Variants in FREM2 observed in about 807,000 individuals in gnomAD.
FREM2 encodes the protein FRAS1 related extracellular matrix 2, also known as FRAS1-related extracellular matrix protein 2.
In FREM2, 119 loss-of-function variants were observed where a neutral mutation model predicts 219.9. The observed-to-expected ratio is 0.54, with a 90% confidence interval of 0.47 to 0.63. The LOEUF (loss-of-function observed/expected upper bound fraction) is 0.63, where lower values mean the gene tolerates loss of function less well. Ranked by LOEUF, FREM2 falls within the 30% of genes least tolerant of loss-of-function variation. The probability of loss-of-function intolerance (pLI) is 0.00; values close to 1 mark genes in which losing one functional copy is unlikely to be tolerated. For missense variants in FREM2, 4,030 were observed against 3,993.6 expected (o/e 1.01, Z -0.25); for synonymous variants, 1,562 against 1,522.8 (o/e 1.03, Z -0.60).
Position 38,874,587 on chromosome 13 carries a change from G to A in FREM2, c.8281+1G>A. 2 of 1,611,992 alleles carry A rather than the reference G, an allele frequency of 1.2e-6. No homozygotes were observed. The highest frequency in any genetic ancestry group is 1.7e-6 in the Non-Finnish European group (2 of 1,178,076). ...GGCTTATTTGTGCTGTCACATCCCG[G>A]TAAGCCCCGTTATCTTTTAACAACC... On this transcript the variant is annotated splice_donor_variant, in intron 18 of 23. Coordinates refer to ENST00000280481, the MANE Select transcript of FREM2 (RefSeq NM_207361.6). LOFTEE classifies it high-confidence loss of function.
intron 11 of FREM2, among the ~76,000 whole-genome samples, chr13:38,854,373 G>A (rs115784268): frequency 0.031 from 4,790 of 152,100 alleles, 113 homozygotes; most frequent in Middle Eastern, 0.071. Flanking sequence ...CAATGAAAAC[G>A]AGTAAACCAA....
chr13:38,840,644 A>ATATATATATGTG (rs1184958401), intron 6 of FREM2, among the ~76,000 whole-genome samples: 9 of 134,268 alleles, frequency 6.7e-5, no homozygotes, highest in South Asian at 4.7e-4. Context: ...ATATATATAT[A>ATATATATATGTG]TGTGTATGTA....
chr13:38,871,146 A>G (rs1220375351), intron 16 of FREM2, among the ~76,000 whole-genome samples: 1 of 152,160 alleles, frequency 6.6e-6, no homozygotes, highest in Non-Finnish European at 1.5e-5. Flanking sequence ...GTAAGAGGGA[A>G]TGCTAACTAC....
chr13:38,760,275 G>T (rs1309662372), intron 2 of FREM2, among the ~76,000 whole-genome samples: 1 of 152,048 alleles, frequency 6.6e-6, no homozygotes, highest in Non-Finnish European at 1.5e-5. Flanking sequence ...ATTTTATTTT[G>T]AAGTAAAATC....
rs772196216 is a variant in FREM2 at position 38,687,512 on chromosome 13, G to A, written c.168G>A (p.Leu56=). 4 of 1,596,970 alleles carry A rather than the reference G, an allele frequency of 2.5e-6. No homozygotes were observed. The highest frequency in any genetic ancestry group is 3.5e-5 in the Admixed American group (2 of 57,280). Residue 56 remains leucine (L), a synonymous_variant, in exon 1 of 24, where the codon CTG becomes CTA. Transcript: ENST00000280481. ...CCGCTGCCTTCGGCAGGGCGTTGCT[G>A]TCCCCTGGTCTCGCGGGGGCTGCAG... ...AQPAAFGRAL[L]SPGLAGAAGV...
chr13:38,789,413 A>C (rs9548455), intron 6 of FREM2, among the ~76,000 whole-genome samples: 79,647 of 151,350 alleles, frequency 0.53, 22,596 homozygotes, highest in Non-Finnish European at 0.65. Flanking sequence ...CTATTTATGT[A>C]TCCATTTTAT....
At position 38,882,139 on chromosome 13, in the gene FREM2, C is replaced by CA. The variant is rs1878571048; in HGVS notation, c.*1353dup. ...GAGTGAGCTTCCTTGGCAAGCCTCC[C>CA]ATTGCCTTTCTGCATCAATGTGTTT... On this transcript the variant is annotated 3_prime_UTR_variant, in exon 24 of 24. Transcript: ENST00000280481. 1 of 152,166 alleles carries CA rather than the reference C, an allele frequency of 6.6e-6. No homozygotes were observed. The highest frequency in any genetic ancestry group is 2.4e-5 in the African/African-American group (1 of 41,432). The allele number at this position is 152,166 out of a possible 1,614,324, so 9.4% of individuals were successfully genotyped here. A position where few individuals can be genotyped will look rare whatever the true frequency, so the allele number is the denominator to read the frequency against.
intron 4 of FREM2, among the ~76,000 whole-genome samples, chr13:38,772,244 A>G (rs915876275): frequency 4.6e-5 from 7 of 152,212 alleles, no homozygotes; most frequent in African/African-American, 1.2e-4. Context: ...AGCACTATAT[A>G]TTGGGAATGC....
chr13:38,792,082 C>T (rs1438961538), intron 6 of FREM2, among the ~76,000 whole-genome samples: 2 of 152,328 alleles, frequency 1.3e-5, no homozygotes, highest in African/African-American at 2.4e-5. Context: ...TGCAGTGGCT[C>T]ATGCCTGTAA....
chr13:38,781,855 G>A (rs1362514245), intron 4 of FREM2, among the ~76,000 whole-genome samples: 1 of 152,200 alleles, frequency 6.6e-6, no homozygotes, highest in Non-Finnish European at 1.5e-5. Context: ...GGAGAGGCTA[G>A]CTGAGCCCAG....
intron 6 of FREM2, among the ~76,000 whole-genome samples, chr13:38,837,464 T>G (rs1274566297): frequency 1.3e-5 from 2 of 152,184 alleles, no homozygotes; most frequent in Non-Finnish European, 2.9e-5. Flanking sequence ...GCCTGCTTGG[T>G]CCATAGCTGA....
intron 2 of FREM2, among the ~76,000 whole-genome samples, chr13:38,728,984 C>T (rs888142461): frequency 1.3e-5 from 2 of 152,264 alleles, no homozygotes; most frequent in African/African-American, 2.4e-5. Flanking sequence ...TACAGGCATG[C>T]GCCACCACAC....
In FREM2 at chr13:38,783,143, G is replaced by A. The variant is rs1246883379; in HGVS notation, c.5715G>A (p.Arg1905=). The change falls in exon 5 of 24, where the codon AGG becomes AGA. Residue 1905 remains arginine, a synonymous_variant. Coordinates refer to ENST00000280481, the MANE Select transcript of FREM2 (RefSeq NM_207361.6). ...EDVGELFIPI[R]RSGDVSQELM... is the part of the protein sequence containing the mutation. ...TTGGTGAGCTGTTCATTCCCATCAG[G>A]AGGAGCGGAGATGTGAGCCAGGAGT... 3.1e-6 allele frequency: 5 copies of A among 1,613,884 alleles called. No individual in the cohort carries two copies. The highest frequency in any genetic ancestry group is 4.2e-6 in the Non-Finnish European group (5 of 1,179,946).
intron 2 of FREM2, among the ~76,000 whole-genome samples, chr13:38,709,115 C>T (rs915964896): frequency 1.3e-5 from 2 of 152,194 alleles, no homozygotes; most frequent in African/African-American, 2.4e-5. Context: ...ACAAACTGTG[C>T]AGGTCTGACC....
At chr13:38,757,843 C>T in intron 2 of FREM2, among the ~76,000 whole-genome samples, 1 of 152,114 alleles carries the variant, frequency 6.6e-6, no homozygotes, top group East Asian at 1.9e-4. Flanking sequence ...CTTCCTAGGC[C>T]TCCCAAAGTG....
chr13:38,730,175 G>T (rs1871707617), intron 2 of FREM2, among the ~76,000 whole-genome samples: 1 of 152,200 alleles, frequency 6.6e-6, no homozygotes, highest in South Asian at 2.1e-4. Flanking sequence ...GATGCAGCGT[G>T]AAGCGGCCTT....
Position 38,689,168 on chromosome 13 carries a change from G to C in FREM2, c.1824G>C (p.Gly608=). The C allele has an allele frequency of 6.2e-7, 1 of 1,613,992 alleles. No individual in the cohort carries two copies. Among genetic ancestry groups the C allele is most frequent in the African/African-American group, 1.3e-5 (1 of 75,008 alleles). Residue 608 remains glycine (G), a synonymous_variant, in exon 1 of 24, where the codon GGG becomes GGC. Coordinates refer to ENST00000280481, the MANE Select transcript of FREM2 (RefSeq NM_207361.6). ...FVLESPFLTT[G]HLLLRQTHPP... Reference sequence around the variant, plus strand: ...TGGAGTCACCCTTCTTAACTACGGGGCATCTGCTTCTCCGCCAAACTCACC... The same window carrying C: ...TGGAGTCACCCTTCTTAACTACGGGCCATCTGCTTCTCCGCCAAACTCACC...
At chr13:38,835,571 C>A (rs908947748) in intron 6 of FREM2, among the ~76,000 whole-genome samples, 3 of 152,220 alleles carry the variant, frequency 2.0e-5, no homozygotes, top group African/African-American at 7.2e-5. Context: ...TTCTTCCTAT[C>A]CATGAGCATG....
intron 6 of FREM2, among the ~76,000 whole-genome samples, chr13:38,817,145 G>A (rs377653804): frequency 2.0e-5 from 3 of 152,120 alleles, no homozygotes; most frequent in East Asian, 1.9e-4. Flanking sequence ...TACTCAAAGC[G>A]ATGTACAGAT....
Sources: gnomAD v4.1 joint callset for allele counts (sites outside exome capture counted in the v4.1 genomes callset) on GRCh38, gnomAD v4.1.1 for gene constraint, MANE v1.5 for transcripts, NCBI Gene and HGNC (gene_info 2026-07-23, HGNC 2026-07-21) for gene names.